The following NOL4L variants were observed in gnomAD, a reference collection of about 807,000 sequenced individuals.
NOL4L encodes nucleolar protein 4-like.
In NOL4L, 7 loss-of-function variants were observed where a neutral mutation model predicts 64.5. The observed-to-expected ratio is 0.11, with a 90% CI of 0.06 to 0.20. The LOEUF (loss-of-function observed/expected upper bound fraction) is 0.20. NOL4L is among the 10% of genes least tolerant of loss of function. The probability of loss-of-function intolerance (pLI) is 1.00; values close to 1 mark genes in which losing one functional copy is unlikely to be tolerated. For synonymous variants in NOL4L, 413 were observed against 401.0 expected (o/e 1.03, Z -0.36); for missense variants, 680 against 967.1 (o/e 0.70, Z 3.94).
intron 5 of NOL4L, among the ~76,000 whole-genome samples, chr20:32,468,917 A>AAAAAAAG (rs1555792102): frequency 2.7e-5 from 3 of 109,776 alleles, no homozygotes; most frequent in Non-Finnish European, 5.2e-5. Flanking sequence ...AAAAAAAAAA[A>AAAAAAAG]AAAGAAAGAA....
chr20:32,584,529 C>T, intron 1 of NOL4L, 41 bp downstream of exon 1: 1 of 1,307,392 alleles, frequency 7.6e-7, no homozygotes. Context: ...GCCCCAAGCC[C>T]CGCGGCGGGA....
chr20:32,458,915 G>A (rs1308342380), intron 5 of NOL4L, among the ~76,000 whole-genome samples: 1 of 152,214 alleles, frequency 6.6e-6, no homozygotes. Flanking sequence ...CCAGAGACAC[G>A]CTGCTCAGGG....
At chr20:32,482,335 C>G (rs184972807) in intron 4 of NOL4L, among the ~76,000 whole-genome samples, 6 of 152,226 alleles carry the variant, frequency 3.9e-5, no homozygotes, top group Admixed American at 3.9e-4. Flanking sequence ...CTTAACCTTT[C>G]TACAGGAATA....
intron 3 of NOL4L, among the ~76,000 whole-genome samples, chr20:32,519,127 G>A (rs1288150728): frequency 6.6e-6 from 1 of 152,320 alleles, no homozygotes; most frequent in East Asian, 1.9e-4. Flanking sequence ...CTGGAGCCCT[G>A]TTCTTAACAT....
intron 1 of NOL4L, among the ~76,000 whole-genome samples, chr20:32,556,275 G>GT (rs1491296865): frequency 4.3e-5 from 1 of 23,340 alleles, no homozygotes. Context: ...TTTCCTTTGT[G>GT]GGGGGGGGGG....
intron 1 of NOL4L, among the ~76,000 whole-genome samples, chr20:32,542,493 T>C (rs1207530701): frequency 6.6e-6 from 1 of 152,040 alleles, no homozygotes; most frequent in Non-Finnish European, 1.5e-5. Flanking sequence ...AACTGGACCA[T>C]AGGCATGTGT....
In NOL4L at chr20:32,453,875, C is replaced by T. The variant is rs985250455; in HGVS notation, c.1120-114G>A. ...GGGTGGCACGCATGCCCTGCTGCCA[C>T]GAGAGCCATAGCTGCGAGGCCCTGA... On this transcript the variant is annotated intron_variant, in intron 6 of 10. Coordinates refer to ENST00000621426, the MANE Select transcript of NOL4L (RefSeq NM_001256798.2). This position sits in a 1 kb window ranked among gnomAD's most constrained non-coding sequence, Gnocchi z 5.6. 2.2e-5 allele frequency: 21 copies of T among 942,176 alleles called. No homozygotes were observed. Among genetic ancestry groups the T allele is most frequent in the Admixed American group, 7.0e-5 (3 of 43,028 alleles). The allele number at this position is 942,176 out of a possible 1,614,324, so 58.4% of individuals were successfully genotyped here.
chr20:32,516,449 C>T lies in NOL4L; in HGVS notation c.589+4362G>A, dbSNP rs150049418. 4.7e-3 allele frequency among the ~76,000 whole-genome samples: 711 copies of T among 152,182 alleles called. 7 individuals carry two copies. Among genetic ancestry groups the T allele is most frequent in the Admixed American group, 0.018 (279 of 15,288 alleles). On this transcript the variant is annotated intron_variant, in intron 3 of 10. Transcript: ENST00000621426. ...TGAAGGATGAGCAGGGTGCGACAGA[C>T]GTGAGGCCATTAGGGTCACTGGAGG...
At chr20:32,514,448 T>C (rs296471) in intron 3 of NOL4L, among the ~76,000 whole-genome samples, 127,616 of 151,844 alleles carry the variant, frequency 0.84, 54,013 homozygotes, top group Admixed American at 0.92. Flanking sequence ...GCCAAGGTCA[T>C]GTCATTGCAC....
At chr20:32,560,612 C>G (rs1229239969) in intron 1 of NOL4L, among the ~76,000 whole-genome samples, 1 of 152,230 alleles carries the variant, frequency 6.6e-6, no homozygotes, top group African/African-American at 2.4e-5. Context: ...TCCCAACAAC[C>G]CTATGAGGTA....
intron 1 of NOL4L, among the ~76,000 whole-genome samples, chr20:32,549,877 T>G (rs1413048896): frequency 6.6e-6 from 1 of 152,174 alleles, no homozygotes; most frequent in Admixed American, 6.5e-5. Flanking sequence ...CCTCAAAAGG[T>G]TAAACATAGA....
chr20:32,491,023 GC>G (rs1361429378), intron 4 of NOL4L, among the ~76,000 whole-genome samples: 5 of 152,114 alleles, frequency 3.3e-5, no homozygotes, highest in African/African-American at 1.2e-4. Flanking sequence ...ATGTTTTTAG[GC>G]CTGTGTTCCT....
At chr20:32,534,645 G>C (rs1341248001) in intron 1 of NOL4L, among the ~76,000 whole-genome samples, 1 of 152,020 alleles carries the variant, frequency 6.6e-6, no homozygotes, top group Admixed American at 6.6e-5. Context: ...TTGAGCTCAG[G>C]AGTTCAAGAC....
chr20:32,571,376 T>C (rs1016862187), intron 1 of NOL4L, among the ~76,000 whole-genome samples: 2 of 152,094 alleles, frequency 1.3e-5, no homozygotes, highest in African/African-American at 4.8e-5. Flanking sequence ...TTAGTAGAGA[T>C]GGTTTGTTTT....
chr20:32,481,382 G>A (rs773340847), intron 4 of NOL4L, among the ~76,000 whole-genome samples: 8 of 152,170 alleles, frequency 5.3e-5, no homozygotes, highest in Non-Finnish European at 1.2e-4. Context: ...GAAGGGAGCC[G>A]CTGTGAGCTA....
At chr20:32,543,094 G>T (rs1376438717) in intron 1 of NOL4L, among the ~76,000 whole-genome samples, 1 of 152,130 alleles carries the variant, frequency 6.6e-6, no homozygotes, top group Non-Finnish European at 1.5e-5. Flanking sequence ...AATAAAGCTC[G>T]CGGGAAGCCA....
chr20:32,479,490 G>A (rs2015592551), intron 4 of NOL4L, among the ~76,000 whole-genome samples: 1 of 152,204 alleles, frequency 6.6e-6, no homozygotes, highest in Non-Finnish European at 1.5e-5. Context: ...CCAACATTTT[G>A]GGAGGCTGAG....
At chr20:32,475,305 G>A in intron 4 of NOL4L, 1 of 985,464 alleles carries the variant, frequency 1.0e-6, no homozygotes, top group Non-Finnish European at 1.2e-6. Flanking sequence ...GTGCTTCAAA[G>A]ATACGCTCTT....
chr20:32,508,639 T>G (rs1032487807), intron 4 of NOL4L, among the ~76,000 whole-genome samples: 17 of 151,520 alleles, frequency 1.1e-4, no homozygotes, highest in African/African-American at 4.2e-4. Context: ...ACCTGGAAAC[T>G]ACTAATGAAG....
Sources: gnomAD v4.1 joint callset for allele counts (sites outside exome capture counted in the v4.1 genomes callset) on GRCh38, gnomAD v4.1.1 for gene constraint, Gnocchi (gnomAD v3.1) non-coding constraint, MANE v1.5 for transcripts, NCBI Gene and HGNC (gene_info 2026-07-23, HGNC 2026-07-21) for gene names.